SNX18: variants seen among roughly 807,000 people sequenced by gnomAD.
SNX18 encodes the protein sorting nexin 18, also known as sorting nexin-18.
Under a neutral mutation model 48.7 loss-of-function variants are expected in SNX18, and 35 were observed. The observed-to-expected ratio is 0.72, with a 90% CI of 0.55 to 0.95. The LOEUF is 0.95. SNX18 is among the 40% of genes least tolerant of loss of function. The pLI, the probability that SNX18 is intolerant of heterozygous loss-of-function variation, is 0.00. For missense variants in SNX18, 824 were observed against 871.0 expected (o/e 0.95, Z 0.68); for synonymous variants, 492 against 384.7 (o/e 1.28, Z -3.26).
chr5:54,647,657 G>A, the SNX18 span, among the ~76,000 whole-genome samples: 3 of 152,124 alleles, frequency 2.0e-5, no homozygotes, highest in Non-Finnish European at 2.9e-5. Flanking sequence ...AAGGCTGTGG[G>A]GGCAATATTG....
At chr5:54,607,650 G>A in the SNX18 span, among the ~76,000 whole-genome samples, 2 of 152,134 alleles carry the variant, frequency 1.3e-5, no homozygotes, top group African/African-American at 2.4e-5. Context: ...AAGCTGCTAT[G>A]GGCCAGGCAC....
chr5:54,622,029 C>T, the SNX18 span, among the ~76,000 whole-genome samples: 14 of 152,204 alleles, frequency 9.2e-5, no homozygotes, highest in Non-Finnish European at 1.5e-4. Flanking sequence ...GATTCTGGGA[C>T]GAACCAGAGC....
chr5:54,581,513 G>A, the SNX18 span, among the ~76,000 whole-genome samples: 4 of 152,020 alleles, frequency 2.6e-5, no homozygotes, highest in African/African-American at 4.8e-5. Flanking sequence ...GAGGATAGAC[G>A]TCTGGCGTTC....
the SNX18 span, among the ~76,000 whole-genome samples, chr5:54,590,900 G>C: frequency 1.5e-4 from 23 of 152,208 alleles, no homozygotes; most frequent in South Asian, 1.0e-3. Flanking sequence ...CTTGGTGCAT[G>C]ATGAGTAAAT....
At chr5:54,527,358 C>CGGT (rs1762150595) in intron 1 of SNX18, among the ~76,000 whole-genome samples, 1 of 140,774 alleles carries the variant, frequency 7.1e-6, no homozygotes, top group Non-Finnish European at 1.6e-5. Context: ...GTCGGGGAGC[C>CGGT]GGGGGGGGGG....
chr5:54,639,587 A>T, the SNX18 span, among the ~76,000 whole-genome samples: 3 of 135,660 alleles, frequency 2.2e-5, no homozygotes, highest in South Asian at 7.5e-4. Context: ...GGAGGTAAGG[A>T]CTATTTTTAA....
the SNX18 span, among the ~76,000 whole-genome samples, chr5:54,594,730 G>A: frequency 1.3e-5 from 2 of 152,122 alleles, no homozygotes; most frequent in Non-Finnish European, 2.9e-5. Context: ...TTTAGATTCA[G>A]GGGTATTACG....
At chr5:54,565,343 G>A in the SNX18 span, among the ~76,000 whole-genome samples, 1 of 152,158 alleles carries the variant, frequency 6.6e-6, no homozygotes, top group African/African-American at 2.4e-5. Flanking sequence ...GGAGGCCAAG[G>A]CAGGAGAATT....
At chr5:54,567,959 T>C in the SNX18 span, among the ~76,000 whole-genome samples, 1 of 152,182 alleles carries the variant, frequency 6.6e-6, no homozygotes, top group East Asian at 1.9e-4. Flanking sequence ...GGTTTCTGGG[T>C]TTGGGAACTT....
At chr5:54,579,023 G>T in the SNX18 span, among the ~76,000 whole-genome samples, 1 of 152,082 alleles carries the variant, frequency 6.6e-6, no homozygotes, top group African/African-American at 2.4e-5. Flanking sequence ...TCCTAACTAG[G>T]CTGAAAACAC....
the SNX18 span, among the ~76,000 whole-genome samples, chr5:54,630,077 T>C: frequency 6.6e-6 from 1 of 152,222 alleles, no homozygotes; most frequent in Non-Finnish European, 1.5e-5. Flanking sequence ...TCCTCTCGAC[T>C]TACCCATTGT....
the SNX18 span, chr5:54,645,008 G>A: frequency 6.6e-6 from 1 of 152,256 alleles, no homozygotes; most frequent in Admixed American, 6.5e-5. Flanking sequence ...GGCCAAATGA[G>A]TGACGATCGG....
At position 54,518,825 on chromosome 5, in the gene SNX18, C is replaced by T. The variant is rs1458561020; in HGVS notation, c.873C>T (p.Gly291=). 1.2e-6 allele frequency: 2 copies of T among 1,608,414 alleles called. No homozygotes were observed. Among genetic ancestry groups the T allele is most frequent in the Non-Finnish European group, 1.7e-6 (2 of 1,176,698 alleles). The change falls in exon 1 of 2, where the codon GGC becomes GGT. Residue 291 remains glycine, a synonymous_variant. Coordinates refer to ENST00000381410, the MANE Select transcript of SNX18 (RefSeq NM_001102575.2). Reference sequence around the variant, plus strand: ...CCACCAAGCAGACCAAGTTCAAGGGCATGAAGAGCTACATCTCCTACAAGC... The same window carrying T: ...CCACCAAGCAGACCAAGTTCAAGGGTATGAAGAGCTACATCTCCTACAAGC... ...DDPTKQTKFK[G]MKSYISYKLV...
At chr5:54,640,210 C>CTTTTTTTT in the SNX18 span, among the ~76,000 whole-genome samples, 2 of 146,252 alleles carry the variant, frequency 1.4e-5, no homozygotes. Flanking sequence ...GAAATAGATT[C>CTTTTTTTT]TTTTTTTTTT....
chr5:54,630,829 CAAAAAAA>C, the SNX18 span, among the ~76,000 whole-genome samples: 17 of 94,510 alleles, frequency 1.8e-4, no homozygotes, highest in African/African-American at 6.0e-4. Context: ...AAGACTCAGT[CAAAAAAA>C]AAAAAAAAAA....
At chr5:54,587,037 T>C in the SNX18 span, among the ~76,000 whole-genome samples, 3 of 151,742 alleles carry the variant, frequency 2.0e-5, no homozygotes, top group Admixed American at 2.0e-4. Context: ...GGAAGTCTAT[T>C]ACTCCAAACT....
chr5:54,534,655 G>A (rs995032227), intron 1 of SNX18, among the ~76,000 whole-genome samples: 45 of 149,306 alleles, frequency 3.0e-4, no homozygotes, highest in Middle Eastern at 3.4e-3. Flanking sequence ...GCAGTACAGC[G>A]TATGAGGATT....
chr5:54,549,436 C>T (rs1487175408), downstream of SNX18, among the ~76,000 whole-genome samples: 1 of 152,144 alleles, frequency 6.6e-6, no homozygotes, highest in East Asian at 1.9e-4. Context: ...TCTTGCAGAG[C>T]CCTGGCACAG....
chr5:54,636,149 C>G, the SNX18 span, among the ~76,000 whole-genome samples: 2 of 152,200 alleles, frequency 1.3e-5, no homozygotes, highest in African/African-American at 2.4e-5. Flanking sequence ...ATGCTAGACT[C>G]TAGCCTTCCT....
Sources: allele counts gnomAD v4.1 joint callset (sites outside exome capture counted in the v4.1 genomes callset), GRCh38; gene constraint gnomAD v4.1.1; transcripts MANE v1.5; gene names NCBI Gene and HGNC (gene_info 2026-07-23, HGNC 2026-07-21).